Variants in FMNL2 observed in about 807,000 individuals in gnomAD.
FMNL2 encodes formin like 2, also known as formin-like protein 2.
Under a neutral mutation model 130.2 loss-of-function variants are expected in FMNL2, and 51 were observed. The ratio of observed to expected loss-of-function variants is 0.39; its 90% CI spans 0.31 to 0.49. The LOEUF is 0.49. Ranked by LOEUF, FMNL2 falls within the 20% of genes least tolerant of loss-of-function variation. The probability of loss-of-function intolerance (pLI) is 0.85; values close to 1 mark genes in which losing one functional copy is unlikely to be tolerated. For synonymous variants in FMNL2, 465 were observed against 467.1 expected (o/e 1.00, Z 0.06); for missense variants, 977 against 1,316.2 (o/e 0.74, Z 3.99).
intron 1 of FMNL2, among the ~76,000 whole-genome samples, chr2:152,425,297 A>G (rs1216230362): frequency 3.9e-5 from 6 of 152,194 alleles, no homozygotes; most frequent in Non-Finnish European, 7.3e-5. Flanking sequence ...CAGTAAAGGA[A>G]TTGGAGACAG....
intron 1 of FMNL2, among the ~76,000 whole-genome samples, chr2:152,378,262 C>A (rs931847375): frequency 1.3e-5 from 2 of 152,110 alleles, no homozygotes; most frequent in Non-Finnish European, 2.9e-5. Flanking sequence ...TAAGTAGGAC[C>A]ATTTAGAAAG....
intron 5 of FMNL2, among the ~76,000 whole-genome samples, chr2:152,560,599 G>A (rs1317288879): frequency 1.3e-5 from 2 of 152,122 alleles, no homozygotes; most frequent in East Asian, 1.9e-4. Context: ...TTATATATTA[G>A]CAAGCCTTAT....
intron 1 of FMNL2, among the ~76,000 whole-genome samples, chr2:152,453,208 AGGGGGT>A (rs202239019): frequency 0.05 from 2,404 of 48,332 alleles, 69 homozygotes; most frequent in African/African-American, 0.16. Context: ...TCTTGGCGTC[AGGGGGT>A]GGGGGTGGGG....
chr2:152,631,012 A>G (rs1360779579), intron 20 of FMNL2, among the ~76,000 whole-genome samples: 1 of 151,958 alleles, frequency 6.6e-6, no homozygotes, highest in African/African-American at 2.4e-5. Context: ...CTATATATAC[A>G]CTGTTTTTTT....
intron 1 of FMNL2, among the ~76,000 whole-genome samples, chr2:152,452,435 T>TC (rs1349397699): frequency 6.6e-6 from 1 of 152,170 alleles, no homozygotes; most frequent in African/African-American, 2.4e-5. Context: ...GTCAGGGTTG[T>TC]CACCTTACTG....
chr2:152,459,287 G>C (rs1316527575), intron 1 of FMNL2, among the ~76,000 whole-genome samples: 1 of 152,076 alleles, frequency 6.6e-6, no homozygotes, highest in Admixed American at 6.5e-5. Flanking sequence ...ATCTGAATTC[G>C]CACTGAACCA....
At chr2:152,508,114 G>A (rs1262621116) in intron 1 of FMNL2, among the ~76,000 whole-genome samples, 4 of 152,018 alleles carry the variant, frequency 2.6e-5, no homozygotes, top group Non-Finnish European at 5.9e-5. Context: ...AATATATTGT[G>A]CTTATCATTT....
At chr2:152,525,716 G>A (rs748162041) in intron 2 of FMNL2, among the ~76,000 whole-genome samples, 3 of 152,164 alleles carry the variant, frequency 2.0e-5, no homozygotes, top group Non-Finnish European at 2.9e-5. Context: ...TGTGCGAAGC[G>A]TTTCAGGGAG....
chr2:152,361,980 T>C (rs1683207999), intron 1 of FMNL2, among the ~76,000 whole-genome samples: 1 of 152,116 alleles, frequency 6.6e-6, no homozygotes, highest in Non-Finnish European at 1.5e-5. Flanking sequence ...ATATTCTCAT[T>C]GTAGAATATT....
At chr2:152,604,945 C>T (rs115959443) in intron 9 of FMNL2, among the ~76,000 whole-genome samples, 1,604 of 142,394 alleles carry the variant, frequency 0.011, 26 homozygotes, top group African/African-American at 0.037. Context: ...TCTGACCTTT[C>T]GTATAAAACC....
chr2:152,506,132 A>G (rs929426821), intron 1 of FMNL2, among the ~76,000 whole-genome samples: 12 of 152,226 alleles, frequency 7.9e-5, no homozygotes, highest in Admixed American at 4.6e-4. Context: ...ACCCCTAGGG[A>G]AATATCTCGT....
intron 9 of FMNL2, among the ~76,000 whole-genome samples, chr2:152,593,095 G>A (rs1032064192): frequency 2.6e-5 from 4 of 152,236 alleles, no homozygotes; most frequent in Non-Finnish European, 5.9e-5. Context: ...CTGTCTCAAA[G>A]GCAGCATAAG....
At chr2:152,427,282 C>T (rs1318081042) in intron 1 of FMNL2, among the ~76,000 whole-genome samples, 2 of 152,160 alleles carry the variant, frequency 1.3e-5, no homozygotes, top group African/African-American at 2.4e-5. Flanking sequence ...TGTGGTGGCT[C>T]ACACCTGCAA....
intron 1 of FMNL2, among the ~76,000 whole-genome samples, chr2:152,515,549 A>C (rs1467812834): frequency 1.3e-5 from 2 of 152,124 alleles, no homozygotes; most frequent in Non-Finnish European, 2.9e-5. Flanking sequence ...CTGGTTATTT[A>C]AGTGGAATTG....
chr2:152,444,098 G>C (rs1688211604), intron 1 of FMNL2, among the ~76,000 whole-genome samples: 1 of 152,186 alleles, frequency 6.6e-6, no homozygotes, highest in African/African-American at 2.4e-5. Flanking sequence ...AGGAGGGTCA[G>C]GACAGAAACT....
At chr2:152,507,913 A>G (rs1024332334) in intron 1 of FMNL2, among the ~76,000 whole-genome samples, 5 of 152,132 alleles carry the variant, frequency 3.3e-5, no homozygotes, top group African/African-American at 4.8e-5. Flanking sequence ...ATTGTAATTT[A>G]TTGTGATGAC....
chr2:152,542,111 T>C (rs1694344262), intron 2 of FMNL2, among the ~76,000 whole-genome samples: 1 of 152,196 alleles, frequency 6.6e-6, no homozygotes, highest in Non-Finnish European at 1.5e-5. Context: ...TGTTTATGCT[T>C]ATTCCAGTGA....
At chr2:152,503,657 C>A (rs1329764508) in intron 1 of FMNL2, among the ~76,000 whole-genome samples, 1 of 152,092 alleles carries the variant, frequency 6.6e-6, no homozygotes, top group Non-Finnish European at 1.5e-5. Flanking sequence ...GCTAGAGGAG[C>A]AAGAAACACT....
chr2:152,548,831 T>TTGTCCTTTGTAGTCC (rs1694789193), intron 3 of FMNL2, among the ~76,000 whole-genome samples, 190 bp from the exon 4 acceptor site: 1 of 152,110 alleles, frequency 6.6e-6, no homozygotes, highest in South Asian at 2.1e-4. Flanking sequence ...AACAAGGACT[T>TTGTCCTTTGTAGTCC]TTTGTAGTCC....
Sources: gnomAD v4.1 joint callset for allele counts (sites outside exome capture counted in the v4.1 genomes callset) on GRCh38, gnomAD v4.1.1 for gene constraint, MANE v1.5 for transcripts, NCBI Gene and HGNC (gene_info 2026-07-23, HGNC 2026-07-21) for gene names.